Variants in CNTNAP2 observed in about 807,000 individuals in gnomAD.
The protein encoded by CNTNAP2 is contactin associated protein 2.
Under a neutral mutation model 155.2 loss-of-function variants are expected in CNTNAP2, and 98 were observed. The observed-to-expected ratio is 0.63, with a 90% CI of 0.54 to 0.75. CNTNAP2 has a LOEUF of 0.75. CNTNAP2 is among the 30% of genes least tolerant of loss of function. The pLI is 0.00. For missense variants in CNTNAP2, 1,727 were observed against 1,688.1 expected, an observed-to-expected ratio of 1.02 and a Z score of -0.40; for synonymous variants, 651 against 631.2, an observed-to-expected ratio of 1.03 and a Z score of -0.47.
chr7:146,934,187 A>C (rs1427267081), intron 3 of CNTNAP2, among the ~76,000 whole-genome samples: 1 of 152,000 alleles, frequency 6.6e-6, no homozygotes, highest in Admixed American at 6.6e-5. Flanking sequence ...ACTTGGAACC[A>C]ACCCAAATGT....
intron 1 of CNTNAP2, among the ~76,000 whole-genome samples, chr7:146,677,168 G>T (rs74712630): frequency 0.036 from 5,480 of 152,250 alleles, 269 homozygotes; most frequent in African/African-American, 0.11. Context: ...GGACTTCCAT[G>T]TTATACGTGG....
At chr7:146,118,554 A>C (rs915727756) in intron 1 of CNTNAP2, among the ~76,000 whole-genome samples, 2 of 152,020 alleles carry the variant, frequency 1.3e-5, no homozygotes, top group Admixed American at 1.3e-4. Flanking sequence ...AATTTATTAT[A>C]TTCACTGATT....
At chr7:147,907,432 T>A (rs1429417566) in intron 14 of CNTNAP2, among the ~76,000 whole-genome samples, 1 of 152,122 alleles carries the variant, frequency 6.6e-6, no homozygotes, top group East Asian at 1.9e-4. Context: ...CTTGGAGAAA[T>A]CTTCTTGGTC....
intron 13 of CNTNAP2, among the ~76,000 whole-genome samples, chr7:147,712,281 C>T (rs983875696): frequency 2.6e-5 from 4 of 152,182 alleles, no homozygotes; most frequent in Non-Finnish European, 4.4e-5. Context: ...AATAGGAACA[C>T]TTTTACACTG....
intron 2 of CNTNAP2, among the ~76,000 whole-genome samples, chr7:146,787,650 C>T (rs530787558): frequency 3.7e-4 from 56 of 152,252 alleles, no homozygotes; most frequent in African/African-American, 1.2e-3. Flanking sequence ...AACCTTCCCC[C>T]GCGCATGAGG....
intron 13 of CNTNAP2, among the ~76,000 whole-genome samples, chr7:147,747,713 A>G (rs1797068785): frequency 6.6e-6 from 1 of 152,170 alleles, no homozygotes; most frequent in Non-Finnish European, 1.5e-5. Flanking sequence ...CATTCCCACT[A>G]ACACTGTTTG....
chr7:146,359,538 T>C (rs182464162), intron 1 of CNTNAP2, among the ~76,000 whole-genome samples: 1 of 152,354 alleles, frequency 6.6e-6, no homozygotes, highest in Non-Finnish European at 1.5e-5. Context: ...TTGCCATGGC[T>C]GATTGCCGCT....
At chr7:147,509,554 A>G (rs1262651161) in intron 11 of CNTNAP2, among the ~76,000 whole-genome samples, 1 of 152,154 alleles carries the variant, frequency 6.6e-6, no homozygotes, top group Non-Finnish European at 1.5e-5. Flanking sequence ...ACCTGTATCA[A>G]ATGAGAGAGA....
At chr7:146,485,649 G>T (rs950787061) in intron 1 of CNTNAP2, among the ~76,000 whole-genome samples, 6 of 152,094 alleles carry the variant, frequency 3.9e-5, no homozygotes, top group African/African-American at 1.4e-4. Context: ...TTGAGACAGG[G>T]TCTCGCTCTG....
chr7:147,825,795 C>G (rs374199537), intron 13 of CNTNAP2, among the ~76,000 whole-genome samples: 1 of 152,172 alleles, frequency 6.6e-6, no homozygotes, highest in South Asian at 2.1e-4. Flanking sequence ...AGTGCTCTGA[C>G]AGTTGGAGGG....
At chr7:147,306,882 G>C (rs556143706) in intron 9 of CNTNAP2, among the ~76,000 whole-genome samples, 28 of 152,150 alleles carry the variant, frequency 1.8e-4, no homozygotes, top group Non-Finnish European at 3.5e-4. Context: ...TTTACTTGTA[G>C]ATAGTAATAA....
chr7:147,446,128 T>G (rs957451255), intron 10 of CNTNAP2, among the ~76,000 whole-genome samples: 1 of 149,654 alleles, frequency 6.7e-6, no homozygotes, highest in East Asian at 1.9e-4. Context: ...TCTTTCTTTT[T>G]TTTTTTTTTT....
chr7:146,714,627 A>G (rs1489442991), intron 1 of CNTNAP2, among the ~76,000 whole-genome samples: 1 of 152,226 alleles, frequency 6.6e-6, no homozygotes, highest in Non-Finnish European at 1.5e-5. Flanking sequence ...GTCCATGGTC[A>G]TAGGAACATA....
chr7:147,214,554 T>C (rs892047751), intron 8 of CNTNAP2, among the ~76,000 whole-genome samples: 1 of 152,172 alleles, frequency 6.6e-6, no homozygotes, highest in Admixed American at 6.5e-5. Flanking sequence ...TTATTAAAGA[T>C]GGTTTGCTTA....
At chr7:147,521,493 C>G (rs369382430) in intron 11 of CNTNAP2, among the ~76,000 whole-genome samples, 41 of 152,182 alleles carry the variant, frequency 2.7e-4, no homozygotes, top group African/African-American at 9.2e-4. Flanking sequence ...AAACTGAAAT[C>G]CCATTCCGTG....
At chr7:147,180,880 A>G (rs1802442434) in intron 8 of CNTNAP2, among the ~76,000 whole-genome samples, 1 of 152,218 alleles carries the variant, frequency 6.6e-6, no homozygotes, top group Non-Finnish European at 1.5e-5. Flanking sequence ...ACTAAAGAAT[A>G]CAGAGAAAAC....
At chr7:148,364,141 C>T (rs1398793804) in intron 21 of CNTNAP2, among the ~76,000 whole-genome samples, 1 of 152,220 alleles carries the variant, frequency 6.6e-6, no homozygotes, top group East Asian at 1.9e-4. Flanking sequence ...CGAGCGCCAC[C>T]CCCTGCTCCA....
intron 9 of CNTNAP2, among the ~76,000 whole-genome samples, chr7:147,393,023 A>T (rs1045315434): frequency 1.3e-5 from 2 of 152,070 alleles, no homozygotes; most frequent in Admixed American, 6.6e-5. Flanking sequence ...AGTGTATGAC[A>T]TGGTGATGAC....
intron 1 of CNTNAP2, among the ~76,000 whole-genome samples, chr7:146,514,022 C>G (rs1017021744): frequency 3.3e-5 from 5 of 151,696 alleles, no homozygotes; most frequent in Non-Finnish European, 5.9e-5. Context: ...AACTTCAGTA[C>G]TTTTTATATA....
Sources: allele counts gnomAD v4.1 joint callset (sites outside exome capture counted in the v4.1 genomes callset), GRCh38; gene constraint gnomAD v4.1.1; transcripts MANE v1.5; gene names NCBI Gene and HGNC (gene_info 2026-07-23, HGNC 2026-07-21).